The following XKR4 variants were observed in gnomAD, a reference collection of about 807,000 sequenced individuals.
The protein encoded by XKR4 is XK-related protein 4.
A neutral mutation model predicts 53.9 loss-of-function variants in XKR4; 12 were observed. The observed-to-expected ratio is 0.22, with a 90% CI of 0.14 to 0.36. The LOEUF (loss-of-function observed/expected upper bound fraction) is 0.36. Ranked by LOEUF, XKR4 falls within the 10% of genes least tolerant of loss-of-function variation. XKR4 has a pLI of 1.00. For missense variants in XKR4, 799 were observed against 859.5 expected, an observed-to-expected ratio of 0.93 and a Z score of 0.88; for synonymous variants, 354 against 362.4, an observed-to-expected ratio of 0.98 and a Z score of 0.26.
intron 1 of XKR4, among the ~76,000 whole-genome samples, chr8:55,250,312 C>T (rs1818346342): frequency 6.6e-6 from 1 of 152,144 alleles, no homozygotes; most frequent in Non-Finnish European, 1.5e-5. Context: ...TCTCTTCTGA[C>T]AATAACATAA....
intron 1 of XKR4, among the ~76,000 whole-genome samples, chr8:55,340,599 C>T (rs1184038638): frequency 6.6e-6 from 1 of 152,226 alleles, no homozygotes; most frequent in African/African-American, 2.4e-5. Context: ...GGATCCTTCC[C>T]AGCGCAGTCA....
chr8:55,294,910 T>A (rs150100433), intron 1 of XKR4, among the ~76,000 whole-genome samples: 162 of 152,254 alleles, frequency 1.1e-3, no homozygotes, highest in African/African-American at 3.6e-3. Flanking sequence ...TTGAAAATAT[T>A]ACCCAATGAA....
At chr8:55,454,304 AC>A (rs1805517069) in intron 2 of XKR4, 2 of 1,460,776 alleles carry the variant, frequency 1.4e-6, no homozygotes, top group Non-Finnish European at 1.9e-6. Flanking sequence ...GGCCGCATTG[AC>A]CCCGATTATG....
At chr8:55,346,442 T>C (rs1415109480) in intron 1 of XKR4, among the ~76,000 whole-genome samples, 1 of 152,192 alleles carries the variant, frequency 6.6e-6, no homozygotes, top group African/African-American at 2.4e-5. Context: ...GGATGATTAG[T>C]GGGAAATAAA....
chr8:55,122,956 G>A (rs1340346059), intron 1 of XKR4, among the ~76,000 whole-genome samples: 22 of 151,244 alleles, frequency 1.5e-4, no homozygotes, highest in African/African-American at 4.9e-4. Flanking sequence ...AGCTTCATGG[G>A]GTGTGTGTAC....
chr8:55,278,627 T>C (rs1818796675), intron 1 of XKR4, among the ~76,000 whole-genome samples: 1 of 152,186 alleles, frequency 6.6e-6, no homozygotes, highest in Admixed American at 6.5e-5. Context: ...CTCAAGTTCA[T>C]ATTTGAATAT....
chr8:55,136,135 G>T (rs753304033), intron 1 of XKR4, among the ~76,000 whole-genome samples: 1 of 151,986 alleles, frequency 6.6e-6, no homozygotes, highest in Non-Finnish European at 1.5e-5. Flanking sequence ...CTTGTGATCC[G>T]CCCCCCTTCG....
intron 2 of XKR4, among the ~76,000 whole-genome samples, chr8:55,417,713 A>C (rs1804870275): frequency 6.6e-6 from 1 of 152,208 alleles, no homozygotes; most frequent in Admixed American, 6.5e-5. Flanking sequence ...GTTTCTGTTC[A>C]GAGGTATCAT....
intron 1 of XKR4, among the ~76,000 whole-genome samples, chr8:55,297,219 G>C (rs529265080): frequency 5.3e-5 from 8 of 152,256 alleles, no homozygotes; most frequent in African/African-American, 1.9e-4. Flanking sequence ...AGCTTGGGGA[G>C]CACATTTAAA....
In XKR4 at chr8:55,413,400, A is replaced by G. The variant is rs149420642; in HGVS notation, c.1006+55523A>G. Reference sequence around the variant, plus strand: ...ACCACCATGCTTGGCTAATTTTTGTATTTTTAATGGAGACGGGGTTTCACC... The same window carrying G: ...ACCACCATGCTTGGCTAATTTTTGTGTTTTTAATGGAGACGGGGTTTCACC... On this transcript the variant is annotated intron_variant, in intron 2 of 2. Transcript: ENST00000327381. Among the ~76,000 whole-genome samples the G allele has an allele frequency of 7.0e-3, 1,059 of 152,078 alleles. 10 individuals are homozygous for G. Among genetic ancestry groups the G allele is most frequent in the Middle Eastern group, 0.014 (4 of 294 alleles).
intron 2 of XKR4, among the ~76,000 whole-genome samples, chr8:55,414,994 C>T (rs1435600051): frequency 6.6e-6 from 1 of 152,214 alleles, no homozygotes; most frequent in Non-Finnish European, 1.5e-5. Flanking sequence ...GGAGTGCCTC[C>T]AGGACAGAGA....
chr8:55,494,547 G>C (rs1014496569), intron 2 of XKR4, among the ~76,000 whole-genome samples: 1 of 152,184 alleles, frequency 6.6e-6, no homozygotes, highest in Non-Finnish European at 1.5e-5. Context: ...GTTTTATTAA[G>C]TGATAGAACA....
At chr8:55,146,318 G>T (rs1265994674) in intron 1 of XKR4, among the ~76,000 whole-genome samples, 6 of 152,180 alleles carry the variant, frequency 3.9e-5, no homozygotes, top group Admixed American at 1.3e-4. Context: ...GACAAGAAGG[G>T]ACCTGTTTTC....
intron 1 of XKR4, among the ~76,000 whole-genome samples, chr8:55,149,268 T>C (rs1816810368): frequency 6.6e-6 from 1 of 152,238 alleles, no homozygotes; most frequent in Non-Finnish European, 1.5e-5. Flanking sequence ...GTTTCCATCA[T>C]TTACTTTAGT....
At chr8:55,152,482 A>AT (rs397728637) in intron 1 of XKR4, among the ~76,000 whole-genome samples, 2 of 151,518 alleles carry the variant, frequency 1.3e-5, no homozygotes, top group Admixed American at 6.6e-5. Context: ...GGTTATGAAA[A>AT]TTTTTTTGTC....
At chr8:55,406,906 A>C (rs987947383) in intron 2 of XKR4, among the ~76,000 whole-genome samples, 1 of 152,200 alleles carries the variant, frequency 6.6e-6, no homozygotes, top group Non-Finnish European at 1.5e-5. Context: ...GGGAATCATT[A>C]TTAGCTAACA....
At chr8:55,155,149 G>A (rs1310213031) in intron 1 of XKR4, among the ~76,000 whole-genome samples, 1 of 152,210 alleles carries the variant, frequency 6.6e-6, no homozygotes, top group African/African-American at 2.4e-5. Context: ...GGTTTGAGGT[G>A]TCAGTCTGAA....
chr8:55,483,057 G>C (rs750355261), intron 2 of XKR4, among the ~76,000 whole-genome samples: 1 of 152,172 alleles, frequency 6.6e-6, no homozygotes, highest in Non-Finnish European at 1.5e-5. Flanking sequence ...ATTGACTGTA[G>C]GCTCACTCAT....
At chr8:55,492,151 T>C (rs1806281922) in intron 2 of XKR4, among the ~76,000 whole-genome samples, 1 of 152,216 alleles carries the variant, frequency 6.6e-6, no homozygotes, top group South Asian at 2.1e-4. Context: ...TAATTTATTT[T>C]CTTTCTATTT....
Sources: gnomAD v4.1 joint callset for allele counts (sites outside exome capture counted in the v4.1 genomes callset) on GRCh38, gnomAD v4.1.1 for gene constraint, MANE v1.5 for transcripts, NCBI Gene and HGNC (gene_info 2026-07-23, HGNC 2026-07-21) for gene names.